Variants in FAM118A observed in about 807,000 individuals in gnomAD.
The protein encoded by FAM118A is SIR2 antiphage like 2.
Under a neutral mutation model 38.2 loss-of-function variants are expected in FAM118A, and 25 were observed. The observed-to-expected ratio is 0.65, with a 90% CI of 0.48 to 0.91. FAM118A has a LOEUF of 0.91. Ranked by LOEUF, FAM118A falls within the 40% of genes least tolerant of loss-of-function variation. The pLI, the probability that FAM118A is intolerant of heterozygous loss-of-function variation, is 0.00. For synonymous variants in FAM118A, 178 were observed against 184.1 expected (o/e 0.97, Z 0.27); for missense variants, 425 against 463.3 (o/e 0.92, Z 0.76).
In FAM118A at chr22:45,323,442, A is replaced by G. The variant is rs746271775; in HGVS notation, c.300+15A>G. The G allele has an allele frequency of 1.9e-6, 3 of 1,609,310 alleles. No individual in the cohort carries two copies. The highest frequency in any genetic ancestry group is 2.6e-6 in the Non-Finnish European group (3 of 1,176,318). On this transcript the variant is annotated intron_variant, in intron 3 of 8. Transcript: ENST00000441876. ...AGATGTCACCTGTAAGTGTCAGACA[A>G]GTACCTCTTGGGGACAGCTTGGTTC...
intron 7 of FAM118A, among the ~76,000 whole-genome samples, chr22:45,336,120 G>A (rs1481490041): frequency 6.6e-6 from 1 of 152,156 alleles, no homozygotes; most frequent in Non-Finnish European, 1.5e-5. Flanking sequence ...CCATGCGAAA[G>A]GACATCTTCA....
At chr22:45,328,632 T>TA (rs34080495) in intron 4 of FAM118A, 4,157 of 516,556 alleles carry the variant, frequency 8.0e-3, no homozygotes, top group Non-Finnish European at 9.9e-3. Flanking sequence ...CCCTTTCTCT[T>TA]AAAAAAAAAA....
rs750742532 is a variant in FAM118A, at chr22:45,327,833, T to G, written c.301-9T>G. 3.0e-5 allele frequency: 48 copies of G among 1,613,924 alleles called. No homozygotes were observed. Among genetic ancestry groups the G allele is most frequent in the Non-Finnish European group, 3.9e-5 (46 of 1,179,886 alleles). ...ATGTTTTGGTAACTGTCGTTCCACC[T>G]TTTTGTAGCGCACAGGCGATGCCAA... On this transcript the variant is annotated splice_polypyrimidine_tract_variant and intron_variant, in intron 3 of 8. Transcript: ENST00000441876.
intron 1 of FAM118A, chr22:45,318,856 C>G (rs1258576525): frequency 6.6e-6 from 1 of 152,154 alleles, no homozygotes; most frequent in Non-Finnish European, 1.5e-5. Flanking sequence ...GTTTGAAATA[C>G]TGTCTGAGGA....
chr22:45,327,857 A>G lies in FAM118A; in HGVS notation c.316A>G (p.Lys106Glu). Residue 106 changes from lysine to glutamate, a missense_variant, in exon 4 of 9, where the codon AAG becomes GAG. Transcript: ENST00000441876. Reference protein sequence around the residue: ...RKMSPRTGDAKPSFFQDCLME... With the variant: ...RKMSPRTGDAEPSFFQDCLME... ...CTTTTTGTAGCGCACAGGCGATGCCAAGCCCAGCTTCTTCCAGGACTGCCT... is the reference window on the plus strand; with the variant it reads ...CTTTTTGTAGCGCACAGGCGATGCCGAGCCCAGCTTCTTCCAGGACTGCCT... The G allele has an allele frequency of 6.2e-7, 1 of 1,614,232 alleles. No individual in the cohort carries two copies. The highest frequency in any genetic ancestry group is 1.1e-5 in the South Asian group (1 of 91,086).
chr22:45,335,659 G>A (rs1274948108), intron 7 of FAM118A, among the ~76,000 whole-genome samples: 2 of 152,178 alleles, frequency 1.3e-5, no homozygotes, highest in African/African-American at 4.8e-5. Context: ...CAAGAGTGAC[G>A]GGACTTGGAA....
At chr22:45,316,287 G>A (rs768728643) in intron 1 of FAM118A, among the ~76,000 whole-genome samples, 6 of 152,226 alleles carry the variant, frequency 3.9e-5, no homozygotes, top group East Asian at 1.9e-4. Flanking sequence ...TGATCCGGCC[G>A]CCTCGGCCTC....
intron 3 of FAM118A, among the ~76,000 whole-genome samples, chr22:45,327,453 G>A (rs1221535586): frequency 2.0e-5 from 3 of 152,100 alleles, no homozygotes; most frequent in African/African-American, 7.2e-5. Flanking sequence ...GCCTCTTGCT[G>A]ACCTGGGACG....
In FAM118A at chr22:45,340,612, C is replaced by A. The variant is rs928019267; in HGVS notation, c.*207C>A. The A allele has an allele frequency of 1.5e-5, 9 of 602,266 alleles. No individual in the cohort carries two copies. The highest frequency in any genetic ancestry group is 2.7e-5 in the Non-Finnish European group (9 of 338,502). The allele number at this position is 602,266 out of a possible 1,614,324, so 37.3% of individuals were successfully genotyped here. ...ACTATGCAGGAGGGTGACGCGGACA[C>A]ATTTCAGGTGGACTTTGCAAGGACT... On this transcript the variant is annotated 3_prime_UTR_variant, in exon 9 of 9. Coordinates refer to ENST00000441876, the MANE Select transcript of FAM118A (RefSeq NM_017911.4).
At chr22:45,337,896 C>A (rs1001457795) in intron 8 of FAM118A, 1 of 985,200 alleles carries the variant, frequency 1.0e-6, no homozygotes, top group Non-Finnish European at 1.2e-6. Flanking sequence ...GTGATTCCCC[C>A]GGACTCCACT....
chr22:45,325,263 A>G (rs1271699124), intron 3 of FAM118A, among the ~76,000 whole-genome samples: 1 of 152,080 alleles, frequency 6.6e-6, no homozygotes, highest in East Asian at 1.9e-4. Flanking sequence ...TCTTCTGTTC[A>G]CTTTTGCGTG....
At chr22:45,331,020 G>A (rs181758271) in intron 5 of FAM118A, among the ~76,000 whole-genome samples, 3 of 152,182 alleles carry the variant, frequency 2.0e-5, no homozygotes, top group African/African-American at 4.8e-5. Flanking sequence ...TAGGAGCCCT[G>A]GCCATTTGGT....
rs542169381 is a variant in FAM118A at position 45,323,436 on chromosome 22, C to T, written c.300+9C>T. On this transcript the variant is annotated intron_variant, in intron 3 of 8. Transcript: ENST00000441876. ...TCCGGAAGATGTCACCTGTAAGTGT[C>T]AGACAAGTACCTCTTGGGGACAGCT... The T allele has an allele frequency of 1.8e-5, 29 of 1,609,748 alleles. No homozygotes were observed. The East Asian group carries it at 6.0e-4, about 33-fold the overall frequency.
chr22:45,325,770 G>A (rs538857853), intron 3 of FAM118A, among the ~76,000 whole-genome samples: 1 of 152,254 alleles, frequency 6.6e-6, no homozygotes, highest in African/African-American at 2.4e-5. Flanking sequence ...TCATCCAAGC[G>A]GACATGAGAA....
chr22:45,333,039 G>A (rs559454793), intron 6 of FAM118A, among the ~76,000 whole-genome samples: 5 of 151,956 alleles, frequency 3.3e-5, no homozygotes, highest in East Asian at 1.9e-4. Context: ...CACCGCGCCC[G>A]GCCTGTCTTC....
At position 45,336,392 on chromosome 22, in the gene FAM118A, A is replaced by G. The variant is rs1206337634; in HGVS notation, c.1035A>G (p.Lys345=). The G allele has an allele frequency of 3.1e-6, 5 of 1,613,928 alleles. No individual in the cohort carries two copies. The highest frequency in any genetic ancestry group is 4.2e-6 in the Non-Finnish European group (5 of 1,179,876). Reference sequence around the variant, plus strand: ...AGAATGGAATTGAAGTTTCAAAAAAACGCACACAATCAGATACTGGTATTG... The same window carrying G: ...AGAATGGAATTGAAGTTTCAAAAAAGCGCACACAATCAGATACTGGTATTG... ...LEENGIEVSK[K]RTQSDTDDAG... The change falls in exon 8 of 9, where the codon AAA becomes AAG. Residue 345 remains lysine (K), a synonymous_variant. Transcript: ENST00000441876.
In FAM118A at chr22:45,332,410, A is replaced by G. The variant is rs758374128; in HGVS notation, c.652-15A>G. 2.5e-6 allele frequency: 4 copies of G among 1,602,126 alleles called. No homozygotes were observed. Among genetic ancestry groups the G allele is most frequent in the South Asian group, 1.1e-5 (1 of 89,408 alleles). The stretch of plus-strand genomic sequence containing the variant: ...TTTCAAATGAGCACTCAATTTCTTC[A>G]TTGGCCTTTTCTAGGAAGTCCTCCA... On this transcript the variant is annotated splice_polypyrimidine_tract_variant and intron_variant, in intron 5 of 8. Transcript: ENST00000441876.
At chr22:45,338,161 C>T (rs1047550557) in intron 8 of FAM118A, among the ~76,000 whole-genome samples, 1 of 152,066 alleles carries the variant, frequency 6.6e-6, no homozygotes, top group Admixed American at 6.6e-5. Context: ...TCTGTTCTCC[C>T]TTTCTGGAAG....
intron 4 of FAM118A, chr22:45,328,789 G>GAA: frequency 1.4e-4 from 29 of 207,608 alleles, no homozygotes; most frequent in South Asian, 3.9e-4. Flanking sequence ...AAAAACAAAA[G>GAA]AAAAAAAAAA....
Sources: allele counts gnomAD v4.1 joint callset (sites outside exome capture counted in the v4.1 genomes callset), GRCh38; gene constraint gnomAD v4.1.1; transcripts MANE v1.5; gene names NCBI Gene and HGNC (gene_info 2026-07-23, HGNC 2026-07-21).